The following ADAMTS19 variants were observed in gnomAD, a reference collection of about 807,000 sequenced individuals.
The protein encoded by ADAMTS19 is ADAM metallopeptidase with thrombospondin type 1 motif 19.
In ADAMTS19, 93 loss-of-function variants were observed where a neutral mutation model predicts 153.3. That is an observed-to-expected ratio of 0.61 (90% CI 0.51 to 0.72). The LOEUF (loss-of-function observed/expected upper bound fraction) is 0.72, where lower values mean the gene tolerates loss of function less well. ADAMTS19 is among the 30% of genes least tolerant of loss of function. The pLI is 0.00. For missense variants in ADAMTS19, 1,482 were observed against 1,552.1 expected (o/e 0.95, Z 0.76); for synonymous variants, 600 against 556.6 (o/e 1.08, Z -1.10).
intron 3 of ADAMTS19, among the ~76,000 whole-genome samples, chr5:129,512,876 C>A (rs1387903011): frequency 6.6e-6 from 1 of 151,894 alleles, no homozygotes; most frequent in Non-Finnish European, 1.5e-5. Flanking sequence ...ATCTGTTTAC[C>A]CCTGAATACA....
intron 8 of ADAMTS19, among the ~76,000 whole-genome samples, chr5:129,611,796 T>C (rs1234138782): frequency 6.6e-6 from 1 of 151,954 alleles, no homozygotes; most frequent in Non-Finnish European, 1.5e-5. Context: ...AATTGTCAAA[T>C]TCACCAAAGT....
At chr5:129,624,628 C>A (rs1751940241) in intron 10 of ADAMTS19, among the ~76,000 whole-genome samples, 1 of 152,114 alleles carries the variant, frequency 6.6e-6, no homozygotes, top group African/African-American at 2.4e-5. Context: ...AGCATTCCTA[C>A]TGTAAAAGCT....
At chr5:129,566,897 G>A (rs72790610) in intron 7 of ADAMTS19, among the ~76,000 whole-genome samples, 2,500 of 151,988 alleles carry the variant, frequency 0.016, 34 homozygotes, top group Middle Eastern at 0.037. Flanking sequence ...TCTTGATTCC[G>A]TCTGCTTGTA....
chr5:129,473,111 T>TA (rs1470782877), intron 2 of ADAMTS19, among the ~76,000 whole-genome samples: 1 of 150,662 alleles, frequency 6.6e-6, no homozygotes, highest in Non-Finnish European at 1.5e-5. Flanking sequence ...AAAATAAAAA[T>TA]AAAAAAGCAG....
intron 2 of ADAMTS19, among the ~76,000 whole-genome samples, chr5:129,492,216 C>G (rs148704245): frequency 6.6e-6 from 1 of 152,222 alleles, no homozygotes; most frequent in Non-Finnish European, 1.5e-5. Context: ...TTTAAATGTG[C>G]GGCAGATCTC....
chr5:129,707,451 A>G (rs540567000), intron 21 of ADAMTS19, among the ~76,000 whole-genome samples: 1 of 152,242 alleles, frequency 6.6e-6, no homozygotes, highest in African/African-American at 2.4e-5. Flanking sequence ...AGCATCACAG[A>G]CTCAAACAGT....
intron 8 of ADAMTS19, among the ~76,000 whole-genome samples, chr5:129,615,473 G>T (rs764171202): frequency 6.6e-5 from 10 of 151,952 alleles, no homozygotes; most frequent in African/African-American, 2.4e-4. Context: ...ATTTTAATTC[G>T]TTGGGGGCAG....
chr5:129,460,434 T>G lies in ADAMTS19; in HGVS notation c.43T>G (p.Cys15Gly). The G allele has an allele frequency of 6.2e-7, 1 of 1,614,164 alleles. No individual in the cohort carries two copies. Among genetic ancestry groups the G allele is most frequent in the Non-Finnish European group, 8.5e-7 (1 of 1,180,018 alleles). The change falls in exon 1 of 23, where the codon TGC becomes GGC. Residue 15 changes from cysteine to glycine, a missense_variant. Coordinates refer to ENST00000274487, the MANE Select transcript of ADAMTS19 (RefSeq NM_133638.6). ...GATGCGCCTGACTCACATCTGCTGC[T>G]GCTGCCTCCTTTACCAGCTGGGGTT... ...REMRLTHICC[C>G]CLLYQLGFLS... is the part of the protein sequence containing the mutation.
chr5:129,688,788 T>G (rs1755202644), intron 18 of ADAMTS19, among the ~76,000 whole-genome samples: 1 of 152,206 alleles, frequency 6.6e-6, no homozygotes, highest in Admixed American at 6.5e-5. Context: ...TAAAACTAGT[T>G]CTTTTATTTT....
intron 3 of ADAMTS19, among the ~76,000 whole-genome samples, chr5:129,523,558 G>A (rs1028628379): frequency 6.6e-6 from 1 of 152,122 alleles, no homozygotes; most frequent in Non-Finnish European, 1.5e-5. Context: ...TTGTACACAT[G>A]AATGGCTGCA....
chr5:129,630,078 T>C (rs1752220921), intron 10 of ADAMTS19, among the ~76,000 whole-genome samples: 1 of 152,090 alleles, frequency 6.6e-6, no homozygotes, highest in African/African-American at 2.4e-5. Flanking sequence ...ACTTTAAATA[T>C]TGACATGGAA....
intron 13 of ADAMTS19, among the ~76,000 whole-genome samples, chr5:129,651,256 T>A (rs1260227393): frequency 6.6e-6 from 1 of 152,172 alleles, no homozygotes; most frequent in Non-Finnish European, 1.5e-5. Flanking sequence ...TATGTACAAC[T>A]CCCTTGTTGA....
chr5:129,704,988 G>C (rs1756076167), intron 21 of ADAMTS19, among the ~76,000 whole-genome samples: 1 of 152,158 alleles, frequency 6.6e-6, no homozygotes. Flanking sequence ...CTCATATAGG[G>C]CTGTAGAAAA....
Position 129,581,330 on chromosome 5 carries a change from G to C in ADAMTS19, c.1373-15229G>C, listed in dbSNP as rs74962698. Among the ~76,000 whole-genome samples the C allele has an allele frequency of 2.9e-3, 447 of 152,012 alleles. 3 individuals carry two copies. Among genetic ancestry groups the C allele is most frequent in the East Asian group, 0.025 (132 of 5,182 alleles). ...TGACTTCTTCCTGGTTTAGTCTTGG[G>C]AGGGTGTATGTGTCCAGGAATTTAT... On this transcript the variant is annotated intron_variant, in intron 7 of 22. Transcript: ENST00000274487.
chr5:129,536,012 C>G (rs906997689), intron 6 of ADAMTS19, among the ~76,000 whole-genome samples: 5 of 152,182 alleles, frequency 3.3e-5, no homozygotes, highest in African/African-American at 1.2e-4. Context: ...GCAAGGACTT[C>G]ATGTCTAAAA....
chr5:129,707,087 G>A (rs1421270305), intron 21 of ADAMTS19, among the ~76,000 whole-genome samples: 2 of 152,120 alleles, frequency 1.3e-5, no homozygotes, highest in African/African-American at 4.8e-5. Context: ...ACATACATAT[G>A]GATTTTTTCA....
At chr5:129,625,946 A>G (rs912252406) in intron 10 of ADAMTS19, among the ~76,000 whole-genome samples, 1 of 152,154 alleles carries the variant, frequency 6.6e-6, no homozygotes, top group African/African-American at 2.4e-5. Flanking sequence ...GGTATTACCT[A>G]GGTTTTCTTC....
chr5:129,668,878 A>G (rs1754172385), intron 16 of ADAMTS19, among the ~76,000 whole-genome samples: 1 of 152,164 alleles, frequency 6.6e-6, no homozygotes, highest in African/African-American at 2.4e-5. Context: ...GAATACAAAA[A>G]ACCATTTTAA....
intron 8 of ADAMTS19, among the ~76,000 whole-genome samples, chr5:129,601,114 G>C (rs1461825350): frequency 6.6e-6 from 1 of 151,974 alleles, no homozygotes; most frequent in Non-Finnish European, 1.5e-5. Context: ...CTCGTGATCC[G>C]CCCGCCTCGG....
Sources: allele counts gnomAD v4.1 joint callset (sites outside exome capture counted in the v4.1 genomes callset), GRCh38; gene constraint gnomAD v4.1.1; transcripts MANE v1.5; gene names NCBI Gene and HGNC (gene_info 2026-07-23, HGNC 2026-07-21).